The following MTCL1 variants were observed in gnomAD, a reference collection of about 807,000 sequenced individuals.
The protein encoded by MTCL1 is microtubule cross-linking factor 1.
Under a neutral mutation model 141.4 loss-of-function variants are expected in MTCL1, and 79 were observed. The ratio of observed to expected loss-of-function variants is 0.56; its 90% confidence interval spans 0.47 to 0.67. The LOEUF is 0.67. MTCL1 is among the 30% of genes least tolerant of loss of function. The pLI, the probability that MTCL1 is intolerant of heterozygous loss-of-function variation, is 0.00. For missense variants in MTCL1, 2,177 were observed against 2,113.9 expected, an observed-to-expected ratio of 1.03 and a Z score of -0.59; for synonymous variants, 914 against 875.8, an observed-to-expected ratio of 1.04 and a Z score of -0.77.
intron 14 of MTCL1, 128 bp from the exon 14 acceptor site, chr18:8,824,571 G>C: frequency 1.4e-6 from 1 of 712,224 alleles, no homozygotes; most frequent in Non-Finnish European, 2.3e-6. Flanking sequence ...GCAGCTGACA[G>C]TGTTCTCCTG....
At chr18:8,807,958 A>G (rs2076355169) in intron 11 of MTCL1, among the ~76,000 whole-genome samples, 1 of 148,964 alleles carries the variant, frequency 6.7e-6, no homozygotes, top group Admixed American at 6.8e-5. Flanking sequence ...TGGAAAGGAG[A>G]CCCCTGTCAC....
At chr18:8,807,186 G>A (rs1166485760) in intron 11 of MTCL1, 126 bp downstream of exon 10, 32 of 982,566 alleles carry the variant, frequency 3.3e-5, no homozygotes, top group Non-Finnish European at 4.5e-5. Context: ...AAAGAGAGGA[G>A]TGGCTGCTTG....
chr18:8,714,268 G>GT (rs1290057036), upstream of MTCL1, among the ~76,000 whole-genome samples: 18 of 152,062 alleles, frequency 1.2e-4, no homozygotes, highest in Non-Finnish European at 2.4e-4. Context: ...CCTCAGTTTT[G>GT]TTTTTTTGTC....
intron 4 of MTCL1, among the ~76,000 whole-genome samples, chr18:8,724,185 G>T (rs1380457773): frequency 6.6e-6 from 1 of 152,104 alleles, no homozygotes; most frequent in Admixed American, 6.5e-5. Context: ...CGAGGTGGGT[G>T]GATCACCTGA....
At chr18:8,809,371 A>G in intron 11 of MTCL1, 6 of 1,500,690 alleles carry the variant, frequency 4.0e-6, no homozygotes, top group South Asian at 1.2e-5. Flanking sequence ...CCCAACAGAA[A>G]TCACGGATCT....
exon 6 of MTCL1, chr18:8,783,765 C>T: frequency 6.2e-7 from 1 of 1,612,806 alleles, no homozygotes; most frequent in Non-Finnish European, 8.5e-7. Context: ...GAGGAGGAAG[C>T]CAACATCTTG....
exon 15 of MTCL1, chr18:8,825,095 C>T: frequency 6.2e-7 from 1 of 1,607,028 alleles, no homozygotes; most frequent in South Asian, 1.1e-5. Context: ...TGTTACACAG[C>T]CCGCCTGCCG....
rs541429373 is a variant in MTCL1, at chr18:8,831,539, T to C, written c.*19-68T>C. 4 of 1,529,194 alleles carry C rather than the reference T, an allele frequency of 2.6e-6. No individual in the cohort carries two copies. In the East Asian group the frequency reaches 7.4e-5, roughly 28 times the overall value. The allele number at this position is 1,529,194 out of a possible 1,614,324, so 94.7% of individuals were successfully genotyped here. On this transcript the variant is annotated intron_variant, in intron 16 of 16. Transcript: ENST00000359865. ...CACTTGAGTCTGTTGAGAAGTGTGT[T>C]TGGGGGAATCATCCACTGGTGACAC...
At chr18:8,710,888 C>CTTTTTTTTTTT (rs71356255) in intron 1 of MTCL1, among the ~76,000 whole-genome samples, 2 of 80,934 alleles carry the variant, frequency 2.5e-5, no homozygotes, top group African/African-American at 5.2e-5. Flanking sequence ...TTTTTTTTTA[C>CTTTTTTTTTTT]TTTTTTTTTT....
chr18:8,805,855 A>G (rs1051437234), intron 10 of MTCL1, among the ~76,000 whole-genome samples: 12 of 152,208 alleles, frequency 7.9e-5, no homozygotes, highest in Non-Finnish European at 1.8e-4. Context: ...GGCTTTTATT[A>G]TCAAGGTACC....
At chr18:8,798,412 G>C in intron 10 of MTCL1, 121 bp downstream of exon 9, 1 of 801,394 alleles carries the variant, frequency 1.2e-6, no homozygotes, top group Non-Finnish European at 1.8e-6. Flanking sequence ...TCCACCGCCT[G>C]ACTGCGGTCA....
chr18:8,796,374 T>C (rs2075919177), exon 9 of MTCL1: 1 of 1,614,128 alleles, frequency 6.2e-7, no homozygotes, highest in Non-Finnish European at 8.5e-7. Context: ...AAGCAGAACA[T>C]TTTCCTCTTC....
intron 10 of MTCL1, among the ~76,000 whole-genome samples, chr18:8,804,551 C>T (rs186347936): frequency 3.3e-5 from 5 of 152,280 alleles, no homozygotes; most frequent in Non-Finnish European, 5.9e-5. Flanking sequence ...ATGTATAAGA[C>T]TCATAGATGG....
chr18:8,786,382 G>A, intron 7 of MTCL1: 1 of 637,602 alleles, frequency 1.6e-6, no homozygotes, highest in South Asian at 1.5e-5. Flanking sequence ...AGGCTGATTG[G>A]TGAGTGCGCA....
intron 4 of MTCL1, among the ~76,000 whole-genome samples, chr18:8,727,424 T>G (rs1329563146): frequency 1.3e-5 from 2 of 152,146 alleles, no homozygotes; most frequent in Non-Finnish European, 2.9e-5. Context: ...TGTATAAGAG[T>G]TCCTTTTTCT....
Position 8,706,535 on chromosome 18 carries a change from GT to G in MTCL1, c.878del (p.Phe293SerfsTer62). 6.5e-6 allele frequency: 9 copies of G among 1,376,850 alleles called. No individual in the cohort carries two copies. The highest frequency in any genetic ancestry group is 7.5e-6 in the Non-Finnish European group (8 of 1,068,426). The allele number at this position is 1,376,850 out of a possible 1,614,324, so 85.3% of individuals were successfully genotyped here. A position where few individuals can be genotyped will look rare whatever the true frequency, so the allele number is the denominator to read the frequency against. On this transcript the variant is annotated frameshift_variant, in exon 1 of 14. Coordinates refer to the MTCL1 transcript ENST00000306329. LOFTEE classifies it high-confidence loss of function. ...AGCATCCCGAGCGGGGTTTCGGGGGGTTTCGCGGGGCCCGGCGTGGCGGAGG... is the reference window on the plus strand; with the variant it reads ...AGCATCCCGAGCGGGGTTTCGGGGGGTTCGCGGGGCCCGGCGTGGCGGAGG...
intron 11 of MTCL1, among the ~76,000 whole-genome samples, chr18:8,808,005 CAA>C (rs530719223): frequency 2.1e-4 from 24 of 114,504 alleles, no homozygotes; most frequent in Admixed American, 2.6e-4. Flanking sequence ...CTTGATGTGT[CAA>C]AAAAAAAAAA....
At chr18:8,706,374 G>A in exon 1 of MTCL1, 1 of 1,230,080 alleles carries the variant, frequency 8.1e-7, no homozygotes, top group South Asian at 4.1e-5. Flanking sequence ...AATCCGGCAC[G>A]GGCTCCAGCG....
At chr18:8,795,100 C>T (rs988986491) in intron 8 of MTCL1, among the ~76,000 whole-genome samples, 2 of 152,170 alleles carry the variant, frequency 1.3e-5, no homozygotes, top group Admixed American at 1.3e-4. Flanking sequence ...GTTATTTCAG[C>T]CAAAACTACA....
Sources: gnomAD v4.1 joint callset for allele counts (sites outside exome capture counted in the v4.1 genomes callset) on GRCh38, gnomAD v4.1.1 for gene constraint, MANE v1.5 for transcripts, NCBI Gene and HGNC (gene_info 2026-07-23, HGNC 2026-07-21) for gene names.